The following CDH7 variants were observed in gnomAD, a reference collection of about 807,000 sequenced individuals.
The protein encoded by CDH7 is cadherin 7.
A neutral mutation model predicts 71.8 loss-of-function variants in CDH7; 25 were observed. The observed-to-expected ratio is 0.35, with a 90% CI of 0.25 to 0.49. The LOEUF is 0.49. CDH7 is among the 20% of genes least tolerant of loss of function. The probability of loss-of-function intolerance (pLI) is 0.99; values close to 1 mark genes in which losing one functional copy is unlikely to be tolerated. For synonymous variants in CDH7, 381 were observed against 363.8 expected, an observed-to-expected ratio of 1.05 and a Z score of -0.54; for missense variants, 862 against 974.6, an observed-to-expected ratio of 0.88 and a Z score of 1.54.
intron 7 of CDH7, among the ~76,000 whole-genome samples, chr18:65,856,953 A>AT (rs1408682366): frequency 2.4e-4 from 37 of 152,000 alleles, no homozygotes; most frequent in Admixed American, 2.4e-3. Flanking sequence ...TAGCCATGCA[A>AT]TCTCAGGGGT....
At chr18:65,870,282 A>T (rs145784251) in intron 11 of CDH7, among the ~76,000 whole-genome samples, 12 of 152,262 alleles carry the variant, frequency 7.9e-5, no homozygotes, top group Admixed American at 7.9e-4. Context: ...GCAAGATAAA[A>T]TTTTAGCCTT....
At chr18:65,769,099 C>T (rs1916468128) in intron 2 of CDH7, among the ~76,000 whole-genome samples, 1 of 152,144 alleles carries the variant, frequency 6.6e-6, no homozygotes, top group Admixed American at 6.5e-5. Flanking sequence ...CAAAACTAAC[C>T]AACAGCTGTG....
intron 2 of CDH7, among the ~76,000 whole-genome samples, chr18:65,795,310 A>G (rs1910872871): frequency 6.6e-6 from 1 of 152,130 alleles, no homozygotes; most frequent in Non-Finnish European, 1.5e-5. Context: ...TTTTTCCCCA[A>G]CAGCAAAGGA....
At chr18:65,783,368 C>T (rs1429492327) in intron 2 of CDH7, among the ~76,000 whole-genome samples, 1 of 152,150 alleles carries the variant, frequency 6.6e-6, no homozygotes, top group Admixed American at 6.5e-5. Context: ...TATAACATCA[C>T]TCATCATCCA....
At chr18:65,840,417 C>T (rs531121010) in intron 6 of CDH7, among the ~76,000 whole-genome samples, 1 of 151,932 alleles carries the variant, frequency 6.6e-6, no homozygotes, top group East Asian at 1.9e-4. Flanking sequence ...TTTTTTAACC[C>T]TGGTTAAATT....
intron 2 of CDH7, among the ~76,000 whole-genome samples, chr18:65,807,850 G>T (rs555301120): frequency 2.6e-5 from 4 of 151,976 alleles, no homozygotes; most frequent in South Asian, 2.1e-4. Flanking sequence ...TGAAGATTTG[G>T]GGGGGTGATC....
At chr18:65,779,090 T>A (rs879115241) in intron 2 of CDH7, among the ~76,000 whole-genome samples, 1 of 151,182 alleles carries the variant, frequency 6.6e-6, no homozygotes, top group African/African-American at 2.4e-5. Context: ...TTGTTTTTTT[T>A]AATGGAAAAA....
intron 2 of CDH7, among the ~76,000 whole-genome samples, chr18:65,775,643 T>A: frequency 6.6e-6 from 1 of 152,170 alleles, no homozygotes; most frequent in South Asian, 2.1e-4. Context: ...ACAGTAACAC[T>A]AATGATAGCT....
At chr18:65,856,249 T>A (rs1049513653) in intron 7 of CDH7, among the ~76,000 whole-genome samples, 2 of 152,146 alleles carry the variant, frequency 1.3e-5, no homozygotes, top group African/African-American at 4.8e-5. Context: ...CACTTTCAAA[T>A]TCCTGACACA....
chr18:65,815,641 A>G (rs1338981465), intron 4 of CDH7, among the ~76,000 whole-genome samples: 5 of 152,218 alleles, frequency 3.3e-5, no homozygotes, highest in Non-Finnish European at 7.3e-5. Flanking sequence ...GCTTTCATAG[A>G]GATGGAATGC....
intron 7 of CDH7, among the ~76,000 whole-genome samples, chr18:65,850,240 A>G (rs978541350): frequency 4.0e-5 from 6 of 149,474 alleles, no homozygotes; most frequent in African/African-American, 1.5e-4. Flanking sequence ...CAAAAATTCA[A>G]TGTTCTTGGT....
rs746477713 is a variant in CDH7 at position 65,880,402 on chromosome 18, G to A, written c.1866G>A (p.Val622=). The change falls in exon 12 of 12, where the codon GTG becomes GTA. Residue 622 remains valine, a splice_region_variant and synonymous_variant. Transcript: ENST00000397968. ...TCTCTTCCTGTCTTATTGTTTCAGTGTTGATCCTCCTTATCGTCACTATGA... is the reference window on the plus strand; with the variant it reads ...TCTCTTCCTGTCTTATTGTTTCAGTATTGATCCTCCTTATCGTCACTATGA... ...AILACVLTLL[V]LILLIVTMRR... 2 of 1,533,946 alleles carry A rather than the reference G, an allele frequency of 1.3e-6. No homozygotes were observed. The highest frequency in any genetic ancestry group is 1.3e-5 in the South Asian group (1 of 75,062).
At chr18:65,866,669 C>T (rs1468108525) in intron 11 of CDH7, among the ~76,000 whole-genome samples, 3 of 152,236 alleles carry the variant, frequency 2.0e-5, no homozygotes, top group African/African-American at 7.2e-5. Context: ...ATTTAAACTG[C>T]ACAAGAAGTA....
intron 7 of CDH7, among the ~76,000 whole-genome samples, chr18:65,853,667 G>C (rs1913226231): frequency 6.6e-6 from 1 of 151,606 alleles, no homozygotes; most frequent in Non-Finnish European, 1.5e-5. Context: ...TCTAATCCTT[G>C]TCTTTGACAA....
intron 2 of CDH7, among the ~76,000 whole-genome samples, chr18:65,781,831 T>TC (rs1568181537): frequency 1.4e-4 from 10 of 74,072 alleles, no homozygotes; most frequent in African/African-American, 9.6e-4. Flanking sequence ...TCTTTCTTTC[T>TC]TTCTTTCTTT....
intron 2 of CDH7, among the ~76,000 whole-genome samples, chr18:65,797,204 T>C (rs551473203): frequency 6.6e-6 from 1 of 152,282 alleles, no homozygotes; most frequent in South Asian, 2.1e-4. Flanking sequence ...AATATGCCTT[T>C]CCAGAGTCCA....
rs1366941487 is a variant in CDH7, at chr18:65,883,169, T to A, written c.*2275T>A. On this transcript the variant is annotated 3_prime_UTR_variant, in exon 12 of 12. Transcript: ENST00000397968. ...AAAATTATTGCATATACCCAATTGC[T>A]ATTTATGTGTGGATGATTATATGAA... The A allele has an allele frequency of 6.6e-6, 1 of 152,060 alleles. No individual in the cohort carries two copies. The highest frequency in any genetic ancestry group is 2.4e-5 in the African/African-American group (1 of 41,430). The allele number at this position is 152,060 out of a possible 1,614,324, so 9.4% of individuals were successfully genotyped here.
At chr18:65,771,705 A>T (rs1322063226) in intron 2 of CDH7, among the ~76,000 whole-genome samples, 2 of 151,858 alleles carry the variant, frequency 1.3e-5, no homozygotes, top group Non-Finnish European at 2.9e-5. Flanking sequence ...TATTAGAAAA[A>T]TAGTTTAACT....
At chr18:65,877,225 A>C (rs1914097800) in intron 11 of CDH7, among the ~76,000 whole-genome samples, 1 of 152,144 alleles carries the variant, frequency 6.6e-6, no homozygotes, top group Non-Finnish European at 1.5e-5. Context: ...AGATTGGGAA[A>C]TAAAGCAAAC....
Sources: gnomAD v4.1 joint callset for allele counts (sites outside exome capture counted in the v4.1 genomes callset) on GRCh38, gnomAD v4.1.1 for gene constraint, MANE v1.5 for transcripts, NCBI Gene and HGNC (gene_info 2026-07-23, HGNC 2026-07-21) for gene names.